The following HACD3 variants were observed in gnomAD, a reference collection of about 807,000 sequenced individuals.
The protein encoded by HACD3 is 3-hydroxyacyl-CoA dehydratase 3.
A neutral mutation model predicts 55.2 loss-of-function variants in HACD3; 30 were observed. That is an observed-to-expected ratio of 0.54 (90% CI 0.41 to 0.74). HACD3 has a LOEUF of 0.74. Ranked by LOEUF, HACD3 falls within the 30% of genes least tolerant of loss-of-function variation. HACD3 has a pLI of 0.00. For missense variants in HACD3, 363 were observed against 440.1 expected, an observed-to-expected ratio of 0.82 and a Z score of 1.57; for synonymous variants, 141 against 151.7, an observed-to-expected ratio of 0.93 and a Z score of 0.52.
At chr15:65,560,801 CAA>C (rs11304800) in intron 5 of HACD3, among the ~76,000 whole-genome samples, 224 of 108,732 alleles carry the variant, frequency 2.1e-3, no homozygotes, top group Admixed American at 2.2e-3. Flanking sequence ...GACCCTATCT[CAA>C]AAAAAAAAAA....
chr15:65,562,331 A>G (rs761034476), intron 5 of HACD3, among the ~76,000 whole-genome samples: 1 of 152,210 alleles, frequency 6.6e-6, no homozygotes, highest in Non-Finnish European at 1.5e-5. Flanking sequence ...GGCAGCTGAA[A>G]GGAAGGCAGG....
intron 4 of HACD3, 142 bp downstream of exon 4, chr15:65,557,045 A>G: frequency 2.3e-6 from 2 of 852,362 alleles, no homozygotes; most frequent in Non-Finnish European, 3.5e-6. Context: ...TGTGATTTTC[A>G]AGAAGTATTG....
intron 7 of HACD3, among the ~76,000 whole-genome samples, chr15:65,568,024 G>A (rs111831213): frequency 0.063 from 9,473 of 151,566 alleles, 308 homozygotes; most frequent in African/African-American, 0.09. Flanking sequence ...CTGGGTTCAC[G>A]CAATTCTCCT....
intron 1 of HACD3, among the ~76,000 whole-genome samples, chr15:65,543,797 AT>A (rs1482342440): frequency 2.0e-5 from 3 of 152,190 alleles, no homozygotes; most frequent in Non-Finnish European, 4.4e-5. Context: ...ATTTGAAGGG[AT>A]TTCTACTGGC....
At chr15:65,555,576 G>A (rs779506120) in intron 3 of HACD3, among the ~76,000 whole-genome samples, 4 of 152,154 alleles carry the variant, frequency 2.6e-5, no homozygotes, top group Admixed American at 6.5e-5. Flanking sequence ...CTTGATTTCC[G>A]TGCGCAGGTG....
intron 1 of HACD3, among the ~76,000 whole-genome samples, chr15:65,538,681 G>C (rs13380251): frequency 0.024 from 3,629 of 152,292 alleles, 62 homozygotes; most frequent in Non-Finnish European, 0.032. Flanking sequence ...TATTCTCTGG[G>C]TAAAACAGTA....
intron 1 of HACD3, among the ~76,000 whole-genome samples, chr15:65,550,153 C>G (rs1419747030): frequency 6.6e-6 from 1 of 152,052 alleles, no homozygotes; most frequent in Non-Finnish European, 1.5e-5. Context: ...TTTGGGAGGC[C>G]GAGGCAGGCA....
chr15:65,531,224 T>TGGGGGAGGGGGAGGGGC (rs2071895194), intron 1 of HACD3: 1 of 18,450 alleles, frequency 5.4e-5, no homozygotes, highest in African/African-American at 2.1e-4. Context: ...GGGGGAGGGG[T>TGGGGGAGGGGGAGGGGC]GGGGGGCCAC....
At chr15:65,538,738 CTCAA>C (rs1395230254) in intron 1 of HACD3, among the ~76,000 whole-genome samples, 3 of 152,158 alleles carry the variant, frequency 2.0e-5, no homozygotes, top group Non-Finnish European at 2.9e-5. Flanking sequence ...GAAGGAAAGA[CTCAA>C]TCAATGAGAC....
chr15:65,541,720 TTGGTTGG>T (rs1555483000), intron 1 of HACD3, among the ~76,000 whole-genome samples: 1 of 152,202 alleles, frequency 6.6e-6, no homozygotes, highest in Non-Finnish European at 1.5e-5. Flanking sequence ...TAACCTCAAG[TTGGTTGG>T]TATTCTTTGA....
At chr15:65,573,730 T>C (rs1282093239) in intron 10 of HACD3, among the ~76,000 whole-genome samples, 2 of 152,232 alleles carry the variant, frequency 1.3e-5, no homozygotes, top group African/African-American at 4.8e-5. Flanking sequence ...TACATTCTTA[T>C]GTGTAGGTTA....
Position 65,576,756 on chromosome 15 carries a change from C to A in HACD3, c.*377C>A. 5.4e-6 allele frequency: 1 copy of A among 184,812 alleles called. No homozygotes were observed. The highest frequency in any genetic ancestry group is 2.4e-5 in the African/African-American group (1 of 42,070). 11.4% of individuals were successfully genotyped at this position (184,812 alleles called of 1,614,324 possible). On this transcript the variant is annotated 3_prime_UTR_variant, in exon 11 of 11. Transcript: ENST00000261875. ...TGAGATTTGTTCTTTTCAGCTATTG[C>A]TTGTGAAAAAAAGCAAGACTATGTC...
Position 65,570,145 on chromosome 15 carries a change from C to A in HACD3, c.715C>A (p.Gln239Lys), listed in dbSNP as rs780796243. ...FIIFGTMEEM[Q>K]NKAVVFFVFY... ...CATCTTTGGCACCATGGAAGAAATG[C>A]AGAACAAAGCTGTGGTTTTCTTTGT... Residue 239 changes from glutamine (Q) to lysine (K), a missense_variant, in exon 8 of 11, where the codon CAG (glutamine) becomes AAG (lysine). By Grantham distance (53) the Gln-to-Lys change is moderately conservative (BLOSUM62 1). Transcript: ENST00000261875. 6.2e-7 allele frequency: 1 copy of A among 1,612,876 alleles called. No individual in the cohort carries two copies. The highest frequency in any genetic ancestry group is 1.1e-5 in the South Asian group (1 of 90,892).
intron 1 of HACD3, among the ~76,000 whole-genome samples, chr15:65,532,972 C>A (rs193026111): frequency 7.2e-5 from 11 of 152,110 alleles, no homozygotes; most frequent in African/African-American, 2.7e-4. Flanking sequence ...GGATGTTGAA[C>A]CAGGTATCTG....
chr15:65,565,102 AG>A (rs2141221789), intron 7 of HACD3: 1 of 152,428 alleles, frequency 6.6e-6, no homozygotes, highest in Non-Finnish European at 1.5e-5. Context: ...CTTTGACTCC[AG>A]GTCTCACATC....
At chr15:65,563,422 A>T (rs1238963086) in intron 6 of HACD3, among the ~76,000 whole-genome samples, 2 of 152,178 alleles carry the variant, frequency 1.3e-5, no homozygotes, top group Non-Finnish European at 2.9e-5. Context: ...AATTTGATCT[A>T]AAGTATTCTG....
Position 65,571,658 on chromosome 15 carries a change from C to G in HACD3, c.880+4C>G. 6.3e-7 allele frequency: 1 copy of G among 1,599,978 alleles called. No individual in the cohort carries two copies. Among genetic ancestry groups the G allele is most frequent in the Admixed American group, 1.7e-5 (1 of 59,944 alleles). ...CCACTGGGATGTTTGGCGGAAGGTA[C>G]TCTCAGGGACTCTTAGCTTTCATAG... is the stretch of plus-strand genomic sequence containing the variant. On this transcript the variant is annotated splice_donor_region_variant and intron_variant, in intron 9 of 10. Coordinates refer to ENST00000261875, the MANE Select transcript of HACD3 (RefSeq NM_016395.4).
At chr15:65,533,761 A>G (rs1486269678) in intron 1 of HACD3, among the ~76,000 whole-genome samples, 1 of 151,396 alleles carries the variant, frequency 6.6e-6, no homozygotes, top group Non-Finnish European at 1.5e-5. Flanking sequence ...AAAAAAAAGA[A>G]AGAAAAGCAG....
At chr15:65,565,998 G>C (rs762825168) in intron 7 of HACD3, 5 of 152,182 alleles carry the variant, frequency 3.3e-5, no homozygotes, top group Non-Finnish European at 7.3e-5. Context: ...GAGTTCTACA[G>C]ATCTCTAGGG....
Sources: gnomAD v4.1 joint callset for allele counts (sites outside exome capture counted in the v4.1 genomes callset) on GRCh38, gnomAD v4.1.1 for gene constraint, MANE v1.5 for transcripts, NCBI Gene and HGNC (gene_info 2026-07-23, HGNC 2026-07-21) for gene names.